FAM169A: variants seen among roughly 807,000 people sequenced by gnomAD.
FAM169A encodes the protein soluble lamin-associated protein of 75 kDa.
FAM169A carries 24 observed loss-of-function variants against 75.7 expected under a neutral mutation model. The ratio of observed to expected loss-of-function variants is 0.32; its 90% CI spans 0.23 to 0.45. FAM169A has a LOEUF of 0.45. Among genes scored for constraint, FAM169A ranks in the 20% least tolerant of loss-of-function variants. The pLI is 1.00. For synonymous variants in FAM169A, 271 were observed against 271.0 expected, an observed-to-expected ratio of 1.00 and a Z score of 0.00; for missense variants, 673 against 784.0, an observed-to-expected ratio of 0.86 and a Z score of 1.69.
intron 11 of FAM169A, among the ~76,000 whole-genome samples, chr5:74,792,480 A>C (rs1347522332): frequency 6.6e-6 from 1 of 151,474 alleles, no homozygotes; most frequent in Non-Finnish European, 1.5e-5. Context: ...CAAACATCAG[A>C]CTCCAGGTTC....
At position 74,834,465 on chromosome 5, in the gene FAM169A, T is replaced by C. The variant is rs375723579; in HGVS notation, c.451A>G (p.Lys151Glu). Residue 151 changes from lysine (K) to glutamate (E), a missense_variant, in exon 5 of 13, where the codon AAA becomes GAA. Physicochemically the swap from Lys to Glu is moderately conservative, Grantham distance 56 (BLOSUM62 1). Around this residue, in one of 3 missense-constraint regions of FAM169A, gnomAD observed 107 missense variants for 180.8 expected, o/e 0.59. Transcript: ENST00000687041. ...STDYAKILWK[K>E]GEAIGFYSVK... The stretch of plus-strand genomic sequence containing the variant: ...GAATAAAACCCAATGGCCTCTCCTT[T>C]CTTCCACAGAATCTTAGCATAATCA... 26 of 1,574,890 alleles carry C rather than the reference T, an allele frequency of 1.7e-5. No homozygotes were observed. In the African/African-American group the frequency reaches 2.9e-4, roughly 17 times the overall value.
chr5:74,818,756 G>A (rs1747603913), intron 5 of FAM169A, among the ~76,000 whole-genome samples: 1 of 148,718 alleles, frequency 6.7e-6, no homozygotes, highest in African/African-American at 2.5e-5. Context: ...CTTGATTGTG[G>A]TGACGGTTTC....
chr5:74,816,087 T>C (rs1212510524), intron 5 of FAM169A, among the ~76,000 whole-genome samples: 1 of 152,208 alleles, frequency 6.6e-6, no homozygotes, highest in Non-Finnish European at 1.5e-5. Flanking sequence ...CTTGGACCCC[T>C]TTCCGGTAAC....
At chr5:74,821,045 G>A (rs1387305487) in intron 5 of FAM169A, among the ~76,000 whole-genome samples, 1 of 151,998 alleles carries the variant, frequency 6.6e-6, no homozygotes, top group East Asian at 1.9e-4. Flanking sequence ...TAACTATTCC[G>A]TTTAAAATAG....
chr5:74,835,056 T>C (rs1344777902), intron 4 of FAM169A, among the ~76,000 whole-genome samples: 1 of 150,872 alleles, frequency 6.6e-6, no homozygotes, highest in Non-Finnish European at 1.5e-5. Flanking sequence ...TAAGAACAAT[T>C]ACATCATTTG....
chr5:74,858,114 G>A (rs1442687831), intron 1 of FAM169A, among the ~76,000 whole-genome samples: 10 of 151,830 alleles, frequency 6.6e-5, no homozygotes, highest in South Asian at 4.1e-4. Context: ...AAGGCCAGGC[G>A]CGGTGGCTCA....
At chr5:74,853,869 G>A (rs1394406135) in intron 1 of FAM169A, among the ~76,000 whole-genome samples, 1 of 150,678 alleles carries the variant, frequency 6.6e-6, no homozygotes, top group Non-Finnish European at 1.5e-5. Flanking sequence ...CACCACACCC[G>A]GCTAATCTTC....
rs775526306 is a variant in FAM169A, at chr5:74,834,463, T to C, written c.453A>G (p.Lys151=). 2 of 1,573,194 alleles carry C rather than the reference T, an allele frequency of 1.3e-6. No homozygotes were observed. Among genetic ancestry groups the C allele is most frequent in the South Asian group, 1.2e-5 (1 of 84,374 alleles). ...STDYAKILWK[K]GEAIGFYSVK... is the part of the protein sequence containing the mutation. ...CTGAATAAAACCCAATGGCCTCTCC[T>C]TTCTTCCACAGAATCTTAGCATAAT... is the stretch of plus-strand genomic sequence containing the variant. Residue 151 remains lysine (K), a synonymous_variant, in exon 5 of 13, where the codon AAA becomes AAG. Transcript: ENST00000687041.
Position 74,834,419 on chromosome 5 carries a change from G to T in FAM169A, c.490+7C>A. On this transcript the variant is annotated splice_region_variant and intron_variant, in intron 5 of 12. Transcript: ENST00000687041. Reference sequence around the variant, plus strand: ...ATACACAGTTTAAATAACTTTTAAAGACTCACCTGTAGGCTTAACTGAATA... The same window carrying T: ...ATACACAGTTTAAATAACTTTTAAATACTCACCTGTAGGCTTAACTGAATA... 7.0e-7 allele frequency: 1 copy of T among 1,436,906 alleles called. No homozygotes were observed. The highest frequency in any genetic ancestry group is 1.8e-5 in the South Asian group (1 of 56,894). The allele number at this position is 1,436,906 out of a possible 1,614,324, so 89.0% of individuals were successfully genotyped here.
intron 12 of FAM169A, 144 bp downstream of exon 12, chr5:74,782,787 T>C (rs187052700): frequency 4.8e-5 from 25 of 519,860 alleles, no homozygotes; most frequent in East Asian, 8.7e-5. Flanking sequence ...GATTTTCTTA[T>C]AATATCAAAT....
At chr5:74,837,383 T>C (rs1748623588) in intron 4 of FAM169A, among the ~76,000 whole-genome samples, 1 of 152,144 alleles carries the variant, frequency 6.6e-6, no homozygotes, top group Admixed American at 6.6e-5. Flanking sequence ...GGTACACACA[T>C]TCTCCGAGCC....
chr5:74,848,582 G>A (rs1749278212), intron 1 of FAM169A: 1 of 152,072 alleles, frequency 6.6e-6, no homozygotes, highest in Non-Finnish European at 1.5e-5. Flanking sequence ...CTTGGCTCTG[G>A]GGTCAGCTCT....
At chr5:74,853,231 A>G (rs1222621191) in intron 1 of FAM169A, among the ~76,000 whole-genome samples, 1 of 152,198 alleles carries the variant, frequency 6.6e-6, no homozygotes, top group East Asian at 1.9e-4. Flanking sequence ...AATAACCTCA[A>G]AATGTCATTT....
chr5:74,801,096 A>G (rs1746549809), intron 9 of FAM169A, 66 bp from the exon 10 acceptor site: 1 of 1,271,406 alleles, frequency 7.9e-7, no homozygotes, highest in Non-Finnish European at 1.0e-6. Flanking sequence ...CTATTAAAAT[A>G]CACAGAAATG....
chr5:74,855,841 C>A (rs2112729053), intron 1 of FAM169A, among the ~76,000 whole-genome samples: 1 of 152,308 alleles, frequency 6.6e-6, no homozygotes, highest in South Asian at 2.1e-4. Context: ...GGGTATTGCT[C>A]ATGCAATCTT....
At chr5:74,834,795 A>G (rs1748483899) in intron 4 of FAM169A, among the ~76,000 whole-genome samples, 198 bp from the exon 5 acceptor site, 1 of 152,110 alleles carries the variant, frequency 6.6e-6, no homozygotes, top group South Asian at 2.1e-4. Context: ...ATTTCCACAC[A>G]CACATATTAT....
At position 74,787,332 on chromosome 5, in the gene FAM169A, G is replaced by A. The variant is rs553244755; in HGVS notation, c.1261-4198C>T. Among the ~76,000 whole-genome samples the A allele has an allele frequency of 1.1e-4, 16 of 152,230 alleles. No individual in the cohort carries two copies. In the South Asian group the frequency reaches 1.2e-3, roughly 12 times the overall value. ...TTGATTGCTTGGTTAGCTGAAATAC[G>A]GATTAAAAGATGGCTCACTCTGAGC... is the stretch of plus-strand genomic sequence containing the variant. On this transcript the variant is annotated intron_variant, in intron 11 of 12. Transcript: ENST00000687041.
chr5:74,845,016 C>G (rs961255993), intron 1 of FAM169A, among the ~76,000 whole-genome samples: 3 of 152,134 alleles, frequency 2.0e-5, no homozygotes, highest in African/African-American at 7.2e-5. Context: ...TTACTTTCCT[C>G]TTTGAAATGA....
At chr5:74,851,914 C>A (rs1033904493) in intron 1 of FAM169A, among the ~76,000 whole-genome samples, 4 of 152,092 alleles carry the variant, frequency 2.6e-5, no homozygotes, top group Admixed American at 1.3e-4. Context: ...ACATAGTAAA[C>A]CTCCAGGATA....
Sources: allele counts gnomAD v4.1 joint callset (sites outside exome capture counted in the v4.1 genomes callset), GRCh38; gene constraint gnomAD v4.1.1; regional missense constraint gnomAD v4.1.1; transcripts MANE v1.5; gene names NCBI Gene and HGNC (gene_info 2026-07-23, HGNC 2026-07-21).